The following NBAS variants were observed in gnomAD, a reference collection of about 807,000 sequenced individuals.
NBAS encodes the protein NBAS subunit of NRZ tethering complex, also known as NAG/BC035112 fusion.
Under a neutral mutation model 302.5 loss-of-function variants are expected in NBAS, and 219 were observed. The ratio of observed to expected loss-of-function variants is 0.72; its 90% CI spans 0.65 to 0.81. NBAS has a LOEUF of 0.81. NBAS is among the 30% of genes least tolerant of loss of function. NBAS has a pLI of 0.00. For synonymous variants in NBAS, 1,118 were observed against 1,021.6 expected, an observed-to-expected ratio of 1.09 and a Z score of -1.80; for missense variants, 2,932 against 2,841.6, an observed-to-expected ratio of 1.03 and a Z score of -0.72.
intron 9 of NBAS, among the ~76,000 whole-genome samples, chr2:15,513,878 C>T (rs1662262728): frequency 1.3e-5 from 2 of 151,264 alleles, no homozygotes; most frequent in African/African-American, 2.4e-5. Context: ...CTCAGCTACT[C>T]GGGAGGATGA....
chr2:15,506,898 T>C lies in NBAS; in HGVS notation c.886-2685A>G, dbSNP rs114105815. Among the ~76,000 whole-genome samples the C allele has an allele frequency of 7.1e-3, 1,084 of 152,294 alleles. 8 individuals are homozygous for C. The highest frequency in any genetic ancestry group is 0.02 in the African/African-American group (811 of 41,576). ...CAAACTCGTAAAATGCTGGAAGACA[T>C]TGATAACATCAATAAGAATAGTTTC... On this transcript the variant is annotated intron_variant, in intron 10 of 51. Transcript: ENST00000281513.
intron 47 of NBAS, among the ~76,000 whole-genome samples, chr2:15,221,844 G>C (rs185113619): frequency 2.6e-5 from 4 of 152,306 alleles, no homozygotes; most frequent in Admixed American, 6.5e-5. Flanking sequence ...TTCTCACCTA[G>C]GTAACCAAGA....
At chr2:15,070,512 T>C in the NBAS span, among the ~76,000 whole-genome samples, 1 of 152,046 alleles carries the variant, frequency 6.6e-6, no homozygotes, top group Non-Finnish European at 1.5e-5. Context: ...AGCAGAACAC[T>C]CCATGGCTCC....
At chr2:14,820,236 A>T in the NBAS span, among the ~76,000 whole-genome samples, 1 of 152,258 alleles carries the variant, frequency 6.6e-6, no homozygotes, top group Non-Finnish European at 1.5e-5. Context: ...AGCACTGTTT[A>T]CAATAGCTAA....
chr2:15,519,185 C>T (rs1441639053), intron 9 of NBAS, among the ~76,000 whole-genome samples: 1 of 152,144 alleles, frequency 6.6e-6, no homozygotes, highest in Non-Finnish European at 1.5e-5. Context: ...TGCATATAAC[C>T]AATAAGGAAT....
chr2:15,202,503 A>T (rs1249256361), intron 48 of NBAS, among the ~76,000 whole-genome samples: 1 of 147,654 alleles, frequency 6.8e-6, no homozygotes, highest in Non-Finnish European at 1.5e-5. Context: ...ACCCCCTATA[A>T]ATACGTGTGT....
chr2:14,818,169 A>C, the NBAS span, among the ~76,000 whole-genome samples: 1 of 152,056 alleles, frequency 6.6e-6, no homozygotes. Context: ...GCACCATGGA[A>C]CCATGGTTTC....
chr2:14,983,288 G>T, the NBAS span, among the ~76,000 whole-genome samples: 1 of 152,254 alleles, frequency 6.6e-6, no homozygotes, highest in Admixed American at 6.5e-5. Context: ...TTTAATCCAG[G>T]TGCAAGAACT....
rs183797583 is a variant in NBAS at position 15,424,540 on chromosome 2, G to C, written c.2424-72C>G. ...AAAACATATAATTTTGTGAGAGAAA[G>C]ACAGGGACAGAGATGGGGAGAAAGT... On this transcript the variant is annotated intron_variant, in intron 22 of 51. Transcript: ENST00000281513. The C allele has an allele frequency of 2.4e-4, 378 of 1,543,190 alleles. 1 individual carries two copies. Among genetic ancestry groups the C allele is most frequent in the East Asian group, 8.8e-4 (39 of 44,488 alleles).
At chr2:15,123,858 C>G in the NBAS span, among the ~76,000 whole-genome samples, 48 of 152,196 alleles carry the variant, frequency 3.2e-4, no homozygotes, top group Admixed American at 6.5e-4. Flanking sequence ...CAGACTGATA[C>G]AGAACATTAA....
At chr2:15,373,434 G>A (rs560581357) in intron 31 of NBAS, among the ~76,000 whole-genome samples, 9 of 152,198 alleles carry the variant, frequency 5.9e-5, no homozygotes, top group South Asian at 2.1e-4. Flanking sequence ...GGGCTCAAGC[G>A]GTCCTCCCAC....
the NBAS span, among the ~76,000 whole-genome samples, chr2:14,966,683 T>A: frequency 6.6e-6 from 1 of 152,140 alleles, no homozygotes; most frequent in Non-Finnish European, 1.5e-5. Context: ...AGCCCCACCT[T>A]CAAAAATCTA....
the NBAS span, among the ~76,000 whole-genome samples, chr2:14,940,057 G>A: frequency 1.3e-5 from 2 of 152,104 alleles, no homozygotes; most frequent in Non-Finnish European, 2.9e-5. Context: ...CTGGAGCATG[G>A]GAGTAAAGCC....
At chr2:14,905,734 GA>G in the NBAS span, among the ~76,000 whole-genome samples, 1 of 152,192 alleles carries the variant, frequency 6.6e-6, no homozygotes, top group Admixed American at 6.5e-5. Context: ...GGCCACACGT[GA>G]CCCATGTGTG....
chr2:15,041,377 C>G, the NBAS span, among the ~76,000 whole-genome samples: 1 of 152,254 alleles, frequency 6.6e-6, no homozygotes, highest in East Asian at 1.9e-4. Context: ...GCATTTTGTT[C>G]ACCCACATCT....
rs143997221 is a variant in NBAS, at chr2:15,429,305, A to G, written c.2340-1511T>C. ...GAATAAAGACAAAAATTGTTAAAAC[A>G]AACTTCAATTGCCTTGCTTTATAGC... On this transcript the variant is annotated intron_variant, in intron 21 of 51. Coordinates refer to ENST00000281513, the MANE Select transcript of NBAS (RefSeq NM_015909.4). Among the ~76,000 whole-genome samples, 528 of 152,380 alleles carry G rather than the reference A, an allele frequency of 3.5e-3. 3 individuals are homozygous for G. The highest frequency in any genetic ancestry group is 6.1e-3 in the Non-Finnish European group (413 of 68,038).
intron 48 of NBAS, among the ~76,000 whole-genome samples, chr2:15,199,339 CA>C (rs1665772207): frequency 6.6e-6 from 1 of 151,906 alleles, no homozygotes; most frequent in Admixed American, 6.6e-5. Context: ...TTGAATTCGC[CA>C]AAATACTTGA....
the NBAS span, among the ~76,000 whole-genome samples, chr2:14,785,959 A>T: frequency 7.2e-5 from 11 of 151,964 alleles, no homozygotes; most frequent in Admixed American, 2.0e-4. Flanking sequence ...CCTGGACTCT[A>T]TTTAGTTGGT....
chr2:15,390,631 T>C (rs865881747), intron 28 of NBAS, among the ~76,000 whole-genome samples: 54 of 152,124 alleles, frequency 3.5e-4, no homozygotes, highest in Admixed American at 3.3e-3. Context: ...TAGATAACTA[T>C]GTGAGATGAT....
Sources: gnomAD v4.1 joint callset for allele counts (sites outside exome capture counted in the v4.1 genomes callset) on GRCh38, gnomAD v4.1.1 for gene constraint, MANE v1.5 for transcripts, NCBI Gene and HGNC (gene_info 2026-07-23, HGNC 2026-07-21) for gene names.